Variants in KPNA3 observed in about 807,000 individuals in gnomAD.
KPNA3 encodes karyopherin subunit alpha 3.
A neutral mutation model predicts 73.8 loss-of-function variants in KPNA3; 13 were observed. That is an observed-to-expected ratio of 0.18 (90% confidence interval 0.11 to 0.28). KPNA3 has a LOEUF of 0.28. Among genes scored for constraint, KPNA3 ranks in the 10% least tolerant of loss-of-function variants. The pLI, the probability that KPNA3 is intolerant of heterozygous loss-of-function variation, is 1.00. For synonymous variants in KPNA3, 186 were observed against 206.9 expected (o/e 0.90, Z 0.87); for missense variants, 360 against 618.1 (o/e 0.58, Z 4.43).
At position 49,782,678 on chromosome 13, in the gene KPNA3, A is replaced by G. The variant is rs1245282718; in HGVS notation, c.69+9760T>C. 2.0e-5 allele frequency among the ~76,000 whole-genome samples: 3 copies of G among 152,288 alleles called. No individual in the cohort carries two copies. The East Asian group carries it at 5.8e-4, about 29-fold the overall frequency. ...TGAATCACTTGAGCCTAAGAGTTTG[A>G]GACCAGCTTGGACAACACGGCGAAA... On this transcript the variant is annotated intron_variant, in intron 1 of 16. Transcript: ENST00000261667.
At position 49,700,585 on chromosome 13, in the gene KPNA3, T is replaced by G. The variant is rs1220832250; in HGVS notation, c.*1215A>C. 6.5e-6 allele frequency: 1 copy of G among 152,678 alleles called. No homozygotes were observed. Among genetic ancestry groups the G allele is most frequent in the African/African-American group, 2.4e-5 (1 of 41,470 alleles). The allele number at this position is 152,678 out of a possible 1,614,324, so 9.5% of individuals were successfully genotyped here. A position where few individuals can be genotyped will look rare whatever the true frequency, so the allele number is the denominator to read the frequency against. On this transcript the variant is annotated 3_prime_UTR_variant, in exon 17 of 17. Transcript: ENST00000261667. ...TTACTCCTCTACACAGATCCCTGTC[T>G]GAATCTTTTAATATGTGAAGATGCT... is the stretch of plus-strand genomic sequence containing the variant.
intron 8 of KPNA3, 45 bp from the exon 9 acceptor site, chr13:49,722,169 T>A: frequency 7.6e-7 from 1 of 1,307,876 alleles, no homozygotes; most frequent in Non-Finnish European, 1.0e-6. Context: ...ACATTCAGGA[T>A]GAGAAAGTCT....
chr13:49,775,606 C>T (rs1184687341), intron 1 of KPNA3, among the ~76,000 whole-genome samples: 1 of 152,152 alleles, frequency 6.6e-6, no homozygotes, highest in African/African-American at 2.4e-5. Context: ...AGTTCATCCC[C>T]ACCAAGAAGC....
chr13:49,745,957 G>A (rs1954612962), intron 2 of KPNA3, among the ~76,000 whole-genome samples: 2 of 151,350 alleles, frequency 1.3e-5, no homozygotes, highest in African/African-American at 4.9e-5. Context: ...CAGCTACTTG[G>A]GAGGCTGAGG....
At chr13:49,792,271 G>A (rs1955040360) in intron 1 of KPNA3, among the ~76,000 whole-genome samples, 167 bp downstream of exon 1, 1 of 151,154 alleles carries the variant, frequency 6.6e-6, no homozygotes, top group Non-Finnish European at 1.5e-5. Context: ...CCCGGCCGGC[G>A]TCTCGCCGCC....
intron 11 of KPNA3, among the ~76,000 whole-genome samples, chr13:49,710,269 T>A (rs988977941): frequency 6.6e-6 from 1 of 151,990 alleles, no homozygotes; most frequent in African/African-American, 2.4e-5. Flanking sequence ...CTCAAAAATA[T>A]ATATAATATT....
At chr13:49,771,809 A>G (rs1185222789) in intron 1 of KPNA3, among the ~76,000 whole-genome samples, 4 of 152,064 alleles carry the variant, frequency 2.6e-5, no homozygotes, top group African/African-American at 9.7e-5. Flanking sequence ...ACACACCATC[A>G]GACCTAGCTA....
intron 9 of KPNA3, among the ~76,000 whole-genome samples, chr13:49,720,155 T>A (rs1410334761): frequency 6.6e-6 from 1 of 152,194 alleles, no homozygotes; most frequent in East Asian, 1.9e-4. Flanking sequence ...GAGATGCAAA[T>A]ATACAGTTAC....
At chr13:49,791,998 T>A (rs1312020068) in intron 1 of KPNA3, among the ~76,000 whole-genome samples, 2 of 152,178 alleles carry the variant, frequency 1.3e-5, no homozygotes, top group Non-Finnish European at 2.9e-5. Context: ...AGGCTCCATG[T>A]GAGCCGCGCG....
intron 1 of KPNA3, among the ~76,000 whole-genome samples, chr13:49,768,276 C>T (rs1815712926): frequency 2.0e-5 from 2 of 100,382 alleles, no homozygotes; most frequent in African/African-American, 7.8e-5. Flanking sequence ...GAGACTCTGT[C>T]TCAAAAAAAA....
intron 1 of KPNA3, among the ~76,000 whole-genome samples, chr13:49,787,402 T>C (rs1350622032): frequency 6.6e-6 from 1 of 152,196 alleles, no homozygotes; most frequent in Non-Finnish European, 1.5e-5. Context: ...TCTTCAATAT[T>C]TTCCCCATTC....
chr13:49,740,933 T>C (rs1194283124), intron 2 of KPNA3, among the ~76,000 whole-genome samples: 1 of 152,190 alleles, frequency 6.6e-6, no homozygotes, highest in South Asian at 2.1e-4. Context: ...TTTCTGGTAA[T>C]GTAATGTCCT....
intron 2 of KPNA3, among the ~76,000 whole-genome samples, chr13:49,737,532 T>G (rs1273827698): frequency 6.7e-6 from 1 of 149,552 alleles, no homozygotes; most frequent in Non-Finnish European, 1.5e-5. Flanking sequence ...TAGACTGTTT[T>G]GTTTTTTCTT....
At chr13:49,768,103 C>T (rs1268986653) in intron 1 of KPNA3, among the ~76,000 whole-genome samples, 3 of 151,934 alleles carry the variant, frequency 2.0e-5, no homozygotes, top group Non-Finnish European at 4.4e-5. Context: ...CATAATGAAA[C>T]CCCGTCTCTA....
chr13:49,765,315 A>G (rs774305426), intron 1 of KPNA3, among the ~76,000 whole-genome samples: 7 of 152,318 alleles, frequency 4.6e-5, no homozygotes, highest in African/African-American at 9.6e-5. Flanking sequence ...AAAACGTACT[A>G]TTTATTATTT....
intron 15 of KPNA3, among the ~76,000 whole-genome samples, chr13:49,704,140 G>A (rs975135480): frequency 3.9e-5 from 6 of 152,152 alleles, no homozygotes; most frequent in Non-Finnish European, 8.8e-5. Context: ...AAACCCTCCC[G>A]GCTGGGTGCA....
rs55725741 is a variant in KPNA3 at position 49,730,519 on chromosome 13, C to CA, written c.383+1851dup. On this transcript the variant is annotated intron_variant, in intron 6 of 16. Transcript: ENST00000261667. Reference sequence around the variant, plus strand: ...TGGGCAACAGAGCGAGACTCTGTCTCAAAAAAAAAAAAAAAAAAAAAAAAA... The same window carrying CA: ...TGGGCAACAGAGCGAGACTCTGTCTCAAAAAAAAAAAAAAAAAAAAAAAAAA... Among the ~76,000 whole-genome samples the CA allele has an allele frequency of 7.3e-4, 20 of 27,294 alleles. 4 individuals are homozygous for CA. The East Asian group carries it at 8.5e-3, about 12-fold the overall frequency. 17.9% of individuals were successfully genotyped at this position (27,294 alleles called of 152,430 possible).
intron 1 of KPNA3, among the ~76,000 whole-genome samples, chr13:49,775,162 CAAAAAAAAAAAAAA>C (rs60494803): frequency 3.2e-5 from 3 of 93,062 alleles, no homozygotes; most frequent in Non-Finnish European, 6.0e-5. Context: ...GACTCTGTCT[CAAAAAAAAAAAAAA>C]AAAAAAAAAA....
At chr13:49,725,536 A>G (rs1954401505) in intron 6 of KPNA3, 35 bp from the exon 7 acceptor site, 4 of 1,299,364 alleles carry the variant, frequency 3.1e-6, no homozygotes, top group East Asian at 2.3e-5. Flanking sequence ...TTTTAGACAC[A>G]TAACTACCAC....
Sources: allele counts gnomAD v4.1 joint callset (sites outside exome capture counted in the v4.1 genomes callset), GRCh38; gene constraint gnomAD v4.1.1; transcripts MANE v1.5; gene names NCBI Gene and HGNC (gene_info 2026-07-23, HGNC 2026-07-21).